Variants in ZNF609 observed in about 807,000 individuals in gnomAD.
The protein encoded by ZNF609 is zinc finger protein 609.
A neutral mutation model predicts 109.5 loss-of-function variants in ZNF609; 11 were observed. The observed-to-expected ratio is 0.10, with a 90% confidence interval of 0.06 to 0.17. The LOEUF (loss-of-function observed/expected upper bound fraction) is 0.17, where lower values mean the gene tolerates loss of function less well. Among genes scored for constraint, ZNF609 ranks in the 10% least tolerant of loss-of-function variants. The pLI is 1.00. For missense variants in ZNF609, 1,559 were observed against 1,772.4 expected (o/e 0.88, Z 2.16); for synonymous variants, 646 against 662.0 (o/e 0.98, Z 0.37).
At chr15:64,510,989 A>AT (rs35191543) in intron 2 of ZNF609, among the ~76,000 whole-genome samples, 34 of 127,126 alleles carry the variant, frequency 2.7e-4, no homozygotes, top group African/African-American at 7.3e-4. Flanking sequence ...CATAGCATTG[A>AT]TTTTTTTTTT....
intron 2 of ZNF609, among the ~76,000 whole-genome samples, chr15:64,583,587 A>T (rs1446807103): frequency 6.6e-6 from 1 of 152,136 alleles, no homozygotes; most frequent in Non-Finnish European, 1.5e-5. Context: ...GCTTTCTCAT[A>T]GCCCAGAGGA....
At chr15:64,651,111 A>G (rs912413776) in intron 3 of ZNF609, among the ~76,000 whole-genome samples, 1 of 152,286 alleles carries the variant, frequency 6.6e-6, no homozygotes, top group East Asian at 1.9e-4. Context: ...ATAAACATAT[A>G]TATACATATA....
intron 2 of ZNF609, among the ~76,000 whole-genome samples, chr15:64,533,017 G>A (rs944850160): frequency 6.6e-6 from 1 of 151,714 alleles, no homozygotes. Flanking sequence ...GGTCGGGGGT[G>A]GTATGTGAGT....
chr15:64,592,985 A>T, intron 2 of ZNF609: 1 of 1,419,940 alleles, frequency 7.0e-7, no homozygotes, highest in Non-Finnish European at 9.8e-7. Context: ...CAAGATGACA[A>T]AGAAAAGAAG....
intron 3 of ZNF609, among the ~76,000 whole-genome samples, chr15:64,662,063 T>G (rs1896585345): frequency 6.6e-6 from 1 of 152,166 alleles, no homozygotes; most frequent in East Asian, 1.9e-4. Flanking sequence ...GCTGCCATCA[T>G]CTGAAAGCAT....
intron 3 of ZNF609, among the ~76,000 whole-genome samples, chr15:64,660,725 T>C (rs1238647695): frequency 6.6e-6 from 1 of 152,212 alleles, no homozygotes; most frequent in African/African-American, 2.4e-5. Context: ...GAACGTGCCA[T>C]GTGCATTTCC....
rs762010886 is a variant in ZNF609, at chr15:64,680,746, G to A, written c.4046G>A (p.Arg1349Gln). ...SSVGGASGGE[R>Q]SVDRPRTSPS... Reference sequence around the variant, plus strand: ...GTCGGGGGAGCAAGTGGGGGTGAACGGAGTGTTGACCGGCCCCGCACCTCT... The same window carrying A: ...GTCGGGGGAGCAAGTGGGGGTGAACAGAGTGTTGACCGGCCCCGCACCTCT... Residue 1349 changes from arginine (R) to glutamine (Q), a missense_variant, in exon 8 of 10, where the codon CGG (arginine) becomes CAG (glutamine). Around this residue, in one of 4 missense-constraint regions of ZNF609, gnomAD observed 1,204 missense variants for 1,314.1 expected, o/e 0.92. Transcript: ENST00000326648. The A allele has an allele frequency of 2.4e-5, 39 of 1,613,456 alleles. No individual in the cohort carries two copies. Among genetic ancestry groups the A allele is most frequent in the Non-Finnish European group, 3.1e-5 (37 of 1,179,982 alleles).
At position 64,462,387 on chromosome 15, in the gene ZNF609, C is replaced by T. The variant is rs117481368; in HGVS notation, c.-128+1549C>T. Among the ~76,000 whole-genome samples, 40 of 152,300 alleles carry T rather than the reference C, an allele frequency of 2.6e-4. 1 individual carries two copies. The East Asian group carries it at 7.7e-3, about 29-fold the overall frequency. On this transcript the variant is annotated intron_variant, in intron 1 of 9. Transcript: ENST00000326648. ...AAGGTTCTACTCTTAGTTGAATCATCATATTTAATTCTTTTATATGAATGG... is the reference window on the plus strand; with the variant it reads ...AAGGTTCTACTCTTAGTTGAATCATTATATTTAATTCTTTTATATGAATGG...
At chr15:64,660,563 A>C (rs1595755874) in intron 3 of ZNF609, among the ~76,000 whole-genome samples, 2 of 152,148 alleles carry the variant, frequency 1.3e-5, no homozygotes, top group Admixed American at 6.6e-5. Flanking sequence ...TTAAATATTT[A>C]CTATCTGTCC....
chr15:64,594,985 G>C (rs1401732134), intron 2 of ZNF609, among the ~76,000 whole-genome samples: 3 of 142,928 alleles, frequency 2.1e-5, no homozygotes, highest in Non-Finnish European at 4.5e-5. Flanking sequence ...CTGGGCAACA[G>C]AGCGAGGCTC....
chr15:64,662,709 A>G (rs1359486269), intron 3 of ZNF609, among the ~76,000 whole-genome samples: 1 of 152,050 alleles, frequency 6.6e-6, no homozygotes, highest in African/African-American at 2.4e-5. Context: ...TCTGTTGCCC[A>G]GACGGGAGTG....
In ZNF609 at chr15:64,674,999, C is replaced by T. The variant is rs763096673; in HGVS notation, c.2145C>T (p.Phe715=). 4 of 1,614,040 alleles carry T rather than the reference C, an allele frequency of 2.5e-6. No homozygotes were observed. The highest frequency in any genetic ancestry group is 3.4e-6 in the Non-Finnish European group (4 of 1,180,028). The change falls in exon 5 of 10, where the codon TTC becomes TTT. Residue 715 remains phenylalanine, a synonymous_variant. Coordinates refer to ENST00000326648, the MANE Select transcript of ZNF609 (RefSeq NM_015042.2). The part of the protein sequence containing the change: ...QPKPTVMGEP[F]TVNPALTPAK... ...AGCCCACTGTTATGGGAGAACCTTT[C>T]ACAGTCAACCCTGCCTTGACTCCAG...
At chr15:64,464,661 C>CT (rs1391326871) in intron 1 of ZNF609, among the ~76,000 whole-genome samples, 2 of 142,254 alleles carry the variant, frequency 1.4e-5, no homozygotes, top group Non-Finnish European at 3.1e-5. Context: ...CATGATACCT[C>CT]TGTTATAAAA....
intron 2 of ZNF609, among the ~76,000 whole-genome samples, chr15:64,507,422 CTG>C (rs764367740): frequency 6.0e-4 from 91 of 152,200 alleles, no homozygotes; most frequent in Non-Finnish European, 1.1e-3. Context: ...AGCCCTCTCT[CTG>C]TGGTTTTCAC....
chr15:64,512,335 C>CT (rs1893744923), intron 2 of ZNF609, among the ~76,000 whole-genome samples: 1 of 151,954 alleles, frequency 6.6e-6, no homozygotes, highest in Non-Finnish European at 1.5e-5. Flanking sequence ...CACATATAGG[C>CT]TATTTGAGCT....
At chr15:64,602,479 G>T (rs183468592) in intron 2 of ZNF609, among the ~76,000 whole-genome samples, 1 of 152,132 alleles carries the variant, frequency 6.6e-6, no homozygotes, top group Non-Finnish European at 1.5e-5. Flanking sequence ...TTTGAAAAGT[G>T]CTGGGACACA....
Position 64,513,491 on chromosome 15 carries a change from A to G in ZNF609, c.747+13325A>G, listed in dbSNP as rs962330799. Among the ~76,000 whole-genome samples, 39 of 152,186 alleles carry G rather than the reference A, an allele frequency of 2.6e-4. 1 individual carries two copies. The highest frequency in any genetic ancestry group is 1.5e-5 in the Non-Finnish European group (1 of 68,030). On this transcript the variant is annotated intron_variant, in intron 2 of 9. Transcript: ENST00000326648. ...TCTAGTATCTCTCCTGTCCTTTCCCATCTCTTAAAAGGATTAGGTTCTAAA... is the reference window on the plus strand; with the variant it reads ...TCTAGTATCTCTCCTGTCCTTTCCCGTCTCTTAAAAGGATTAGGTTCTAAA...
intron 2 of ZNF609, among the ~76,000 whole-genome samples, chr15:64,620,433 G>A (rs1322170711): frequency 6.6e-6 from 1 of 152,118 alleles, no homozygotes; most frequent in East Asian, 1.9e-4. Context: ...TACTTTTTCT[G>A]TGTTGTTTTT....
intron 2 of ZNF609, among the ~76,000 whole-genome samples, chr15:64,585,297 C>A (rs989978719): frequency 5.3e-5 from 8 of 152,040 alleles, no homozygotes; most frequent in African/African-American, 1.9e-4. Context: ...TGCACTCCAG[C>A]CTGGGTGACA....
Sources: allele counts gnomAD v4.1 joint callset (sites outside exome capture counted in the v4.1 genomes callset), GRCh38; gene constraint gnomAD v4.1.1; regional missense constraint gnomAD v4.1.1; transcripts MANE v1.5; gene names NCBI Gene and HGNC (gene_info 2026-07-23, HGNC 2026-07-21).